The following GFRA1 variants were observed in gnomAD, a reference collection of about 807,000 sequenced individuals.
The protein encoded by GFRA1 is GDNF family receptor alpha-1.
Under a neutral mutation model 51.6 loss-of-function variants are expected in GFRA1, and 16 were observed. The observed-to-expected ratio is 0.31, with a 90% CI of 0.21 to 0.47. The LOEUF (loss-of-function observed/expected upper bound fraction) is 0.47. Ranked by LOEUF, GFRA1 falls within the 20% of genes least tolerant of loss-of-function variation. The pLI is 1.00. For missense variants in GFRA1, 530 were observed against 594.3 expected, an observed-to-expected ratio of 0.89 and a Z score of 1.13; for synonymous variants, 270 against 241.3, an observed-to-expected ratio of 1.12 and a Z score of -1.10.
At chr10:116,191,177 A>G (rs978480739) in intron 5 of GFRA1, among the ~76,000 whole-genome samples, 1 of 152,210 alleles carries the variant, frequency 6.6e-6, no homozygotes, top group Non-Finnish European at 1.5e-5. Flanking sequence ...TTTGCCTATC[A>G]TTTAGTCAGC....
chr10:116,162,929 T>TA (rs751606231), intron 5 of GFRA1, among the ~76,000 whole-genome samples: 3 of 152,082 alleles, frequency 2.0e-5, no homozygotes, highest in Non-Finnish European at 4.4e-5. Flanking sequence ...TGTCTGAACA[T>TA]ATACCTGCAT....
chr10:116,133,018 T>TC (rs1273264818), intron 5 of GFRA1, among the ~76,000 whole-genome samples: 1 of 152,042 alleles, frequency 6.6e-6, no homozygotes, highest in Non-Finnish European at 1.5e-5. Context: ...AATGTTGCTT[T>TC]CCCCCCTCCC....
intron 9 of GFRA1, 29 bp downstream of exon 9, chr10:116,089,712 C>A (rs1315965906): frequency 6.2e-7 from 1 of 1,600,616 alleles, no homozygotes; most frequent in Admixed American, 1.7e-5. Flanking sequence ...GAAGGGAGCC[C>A]CAGCAAGGAA....
rs75236723 is a variant in GFRA1, at chr10:116,171,788, C to T, written c.433+39843G>A. The stretch of plus-strand genomic sequence containing the variant: ...AGGAGTCATCGGTTTCACCTGCCAT[C>T]TCCCATGGTCTCTGAGGTTCTGAAG... On this transcript the variant is annotated intron_variant, in intron 5 of 10. Coordinates refer to ENST00000355422, the MANE Select transcript of GFRA1 (RefSeq NM_005264.8). Among the ~76,000 whole-genome samples, 15 of 152,310 alleles carry T rather than the reference C, an allele frequency of 9.8e-5. No individual in the cohort carries two copies. The East Asian group carries it at 2.7e-3, about 27-fold the overall frequency.
intron 4 of GFRA1, among the ~76,000 whole-genome samples, chr10:116,269,134 A>G (rs1466365082): frequency 6.6e-6 from 1 of 152,190 alleles, no homozygotes; most frequent in Non-Finnish European, 1.5e-5. Flanking sequence ...TCCCATTTCC[A>G]GGGAGGCACT....
chr10:116,082,070 A>C (rs1955874822), intron 9 of GFRA1, among the ~76,000 whole-genome samples: 1 of 152,208 alleles, frequency 6.6e-6, no homozygotes, highest in South Asian at 2.1e-4. Context: ...ACTAGTTCTC[A>C]AATACCGTCT....
Position 116,233,284 on chromosome 10 carries a change from C to T in GFRA1, c.419-21639G>A, listed in dbSNP as rs1966797013. Among the ~76,000 whole-genome samples the T allele has an allele frequency of 2.6e-5, 4 of 151,694 alleles. No individual in the cohort carries two copies. In the South Asian group the frequency reaches 8.3e-4, roughly 32 times the overall value. On this transcript the variant is annotated intron_variant, in intron 4 of 10. Transcript: ENST00000355422. The stretch of plus-strand genomic sequence containing the variant: ...CAGATGTTGCAGTGAGCCAAGATTG[C>T]ACCATGGCACACCAGCCTGGGCGAC...
intron 4 of GFRA1, among the ~76,000 whole-genome samples, chr10:116,242,391 G>A (rs1418127503): frequency 1.3e-5 from 2 of 152,098 alleles, no homozygotes; most frequent in Admixed American, 6.6e-5. Context: ...AGCAGGTAAC[G>A]ATAATTTGTT....
Position 116,125,489 on chromosome 10 carries a change from T to G in GFRA1, c.502A>C (p.Lys168Gln). 1 of 1,614,196 alleles carries G rather than the reference T, an allele frequency of 6.2e-7. No homozygotes were observed. Among genetic ancestry groups the G allele is most frequent in the Non-Finnish European group, 8.5e-7 (1 of 1,180,038 alleles). ...AKACNLDDICKKYRSAYITPC... is the reference protein window; with the variant it reads ...AKACNLDDICQKYRSAYITPC... ...GTGATGTACGCCGACCTGTACTTCT[T>G]GCAAATGTCGTCGAGGTTGCAGGCC... Residue 168 changes from lysine to glutamine, a missense_variant, in exon 6 of 11, where the codon AAG becomes CAG. Transcript: ENST00000355422.
intron 4 of GFRA1, among the ~76,000 whole-genome samples, chr10:116,213,125 T>C (rs115782028): frequency 0.01 from 1,535 of 152,298 alleles, 25 homozygotes; most frequent in African/African-American, 0.035. Context: ...AAAAAAAGAT[T>C]AAATATGCAT....
At chr10:116,163,887 T>C (rs1413682729) in intron 5 of GFRA1, among the ~76,000 whole-genome samples, 1 of 152,204 alleles carries the variant, frequency 6.6e-6, no homozygotes, top group Non-Finnish European at 1.5e-5. Flanking sequence ...GATCTGTCTG[T>C]CCCAGCACCA....
At chr10:116,274,234 C>T (rs1844139388), upstream of GFRA1, among the ~76,000 whole-genome samples, 1 of 150,822 alleles carries the variant, frequency 6.6e-6, no homozygotes, top group Non-Finnish European at 1.5e-5. Flanking sequence ...CCGAAGTCTA[C>T]ACTGGGTCGG....
chr10:116,062,432 G>T lies in GFRA1; in HGVS notation c.*1966C>A. ...ATTTCCCTTGAAAACATTTTGAAGTGAAAAAAGTCAGTACTGAGTACTGTA... is the reference window on the plus strand; with the variant it reads ...ATTTCCCTTGAAAACATTTTGAAGTTAAAAAAGTCAGTACTGAGTACTGTA... On this transcript the variant is annotated 3_prime_UTR_variant, in exon 11 of 11. Coordinates refer to ENST00000355422, the MANE Select transcript of GFRA1 (RefSeq NM_005264.8). 1 of 275,002 alleles carries T rather than the reference G, an allele frequency of 3.6e-6. No individual in the cohort carries two copies. Among genetic ancestry groups the T allele is most frequent in the Admixed American group, 5.2e-5 (1 of 19,128 alleles). 17.0% of individuals were successfully genotyped at this position (275,002 alleles called of 1,614,324 possible). A position where few individuals can be genotyped will look rare whatever the true frequency, so the allele number is the denominator to read the frequency against.
intron 4 of GFRA1, among the ~76,000 whole-genome samples, chr10:116,223,489 A>G (rs1339010791): frequency 6.6e-6 from 1 of 152,220 alleles, no homozygotes; most frequent in Non-Finnish European, 1.5e-5. Context: ...TAGATAGCCT[A>G]TGTGGCTCCT....
intron 4 of GFRA1, among the ~76,000 whole-genome samples, chr10:116,216,888 A>G (rs1413047125): frequency 6.6e-6 from 1 of 152,240 alleles, no homozygotes; most frequent in African/African-American, 2.4e-5. Flanking sequence ...TCAGTTCACC[A>G]TTAACCAAAG....
Position 116,117,615 on chromosome 10 carries a change from GGATA to G in GFRA1, c.770+7602_770+7605del, listed in dbSNP as rs377320042. On this transcript the variant is annotated intron_variant, in intron 6 of 10. Transcript: ENST00000355422. ...TGGATGGATGGGTGGATGGGTGGAT[GGATA>G]GATAAATGGATGAGTGGATGGATTA... Among the ~76,000 whole-genome samples, 1,133 of 151,702 alleles carry G rather than the reference GGATA, an allele frequency of 7.5e-3. 7 individuals are homozygous for G. Among genetic ancestry groups the G allele is most frequent in the Non-Finnish European group, 0.012 (837 of 67,762 alleles).
intron 5 of GFRA1, among the ~76,000 whole-genome samples, chr10:116,174,659 A>G (rs879910015): frequency 3.9e-5 from 6 of 152,236 alleles, no homozygotes; most frequent in Non-Finnish European, 7.3e-5. Context: ...ACCTTAGTCC[A>G]TAAGTGCTAA....
At chr10:116,102,579 G>A (rs1195836979) in intron 6 of GFRA1, among the ~76,000 whole-genome samples, 1 of 152,174 alleles carries the variant, frequency 6.6e-6, no homozygotes, top group Non-Finnish European at 1.5e-5. Context: ...TGGTGCGGAG[G>A]TCTCACAATC....
intron 9 of GFRA1, among the ~76,000 whole-genome samples, chr10:116,068,105 C>A (rs569685310): frequency 1.3e-5 from 2 of 152,318 alleles, no homozygotes; most frequent in South Asian, 2.1e-4. Context: ...AGTAAGAATA[C>A]GCAGCCAGAT....
Sources: gnomAD v4.1 joint callset for allele counts (sites outside exome capture counted in the v4.1 genomes callset) on GRCh38, gnomAD v4.1.1 for gene constraint, MANE v1.5 for transcripts, NCBI Gene and HGNC (gene_info 2026-07-23, HGNC 2026-07-21) for gene names.